The following RBFOX1 variants were observed in gnomAD, a reference collection of about 807,000 sequenced individuals.
RBFOX1 encodes the protein RNA binding protein fox-1 homolog 1.
A neutral mutation model predicts 57.7 loss-of-function variants in RBFOX1; 8 were observed. The observed-to-expected ratio is 0.14, with a 90% CI of 0.08 to 0.25. RBFOX1 has a LOEUF of 0.25. RBFOX1 is among the 10% of genes least tolerant of loss of function. The probability of loss-of-function intolerance (pLI) is 1.00; values close to 1 mark genes in which losing one functional copy is unlikely to be tolerated. For synonymous variants in RBFOX1, 326 were observed against 222.4 expected (o/e 1.47, Z -4.15); for missense variants, 611 against 548.5 (o/e 1.11, Z -1.14).
intron 2 of RBFOX1, among the ~76,000 whole-genome samples, chr16:6,638,870 G>C (rs1434432342): frequency 6.6e-6 from 1 of 152,152 alleles, no homozygotes; most frequent in Admixed American, 6.5e-5. Flanking sequence ...CTGAAATAAA[G>C]AGTTGGTTCT....
intron 4 of RBFOX1, among the ~76,000 whole-genome samples, chr16:5,960,689 GT>G (rs2152287575): frequency 6.6e-6 from 1 of 152,262 alleles, no homozygotes; most frequent in Admixed American, 6.5e-5. Flanking sequence ...CCCTGAAAGA[GT>G]TTTCAACTTC....
At chr16:5,959,911 G>T (rs757819466) in intron 4 of RBFOX1, among the ~76,000 whole-genome samples, 69 of 152,132 alleles carry the variant, frequency 4.5e-4, no homozygotes, top group Non-Finnish European at 8.7e-4. Context: ...TGAATAAGAG[G>T]AACCCTAGGC....
chr16:6,243,175 C>G (rs1194300142), intron 1 of RBFOX1, among the ~76,000 whole-genome samples: 1 of 140,846 alleles, frequency 7.1e-6, no homozygotes, highest in East Asian at 2.3e-4. Context: ...TGTTTATGTA[C>G]AGTTTCCTCT....
intron 3 of RBFOX1, among the ~76,000 whole-genome samples, chr16:6,803,560 C>T (rs182974316): frequency 6.6e-5 from 10 of 152,214 alleles, no homozygotes; most frequent in Non-Finnish European, 1.5e-4. Flanking sequence ...CAAAAATCAG[C>T]CTTCTTAAAT....
rs578058545 is a variant in RBFOX1 at position 5,515,545 on chromosome 16, G to A, written c.258+48291G>A. Among the ~76,000 whole-genome samples the A allele has an allele frequency of 4.6e-5, 7 of 152,330 alleles. No homozygotes were observed. The South Asian group carries it at 1.2e-3, about 27-fold the overall frequency. ...CAGCTTCTACCTTTGCAAAACAGAG[G>A]CTGTTTTAATTGAGATATTGGAAGA... is the stretch of plus-strand genomic sequence containing the variant. On this transcript the variant is annotated intron_variant, in intron 2 of 2. Coordinates refer to the RBFOX1 transcript ENST00000585867.
intron 2 of RBFOX1, among the ~76,000 whole-genome samples, chr16:6,581,751 A>G (rs1044252292): frequency 6.6e-6 from 1 of 152,212 alleles, no homozygotes. Context: ...ACCTGGAACT[A>G]GAGGCAGGTT....
chr16:6,237,500 T>C (rs1027125228), intron 1 of RBFOX1, among the ~76,000 whole-genome samples: 1 of 152,156 alleles, frequency 6.6e-6, no homozygotes, highest in African/African-American at 2.4e-5. Context: ...ACCTGCCTTA[T>C]TGGGAGGCCA....
chr16:5,864,783 T>C (rs1182383810), intron 3 of RBFOX1, among the ~76,000 whole-genome samples: 2 of 152,150 alleles, frequency 1.3e-5, no homozygotes, highest in African/African-American at 4.8e-5. Flanking sequence ...AGAACCGTGT[T>C]TTGCCTGGGA....
At chr16:5,807,843 C>T (rs1462034396) in intron 3 of RBFOX1, among the ~76,000 whole-genome samples, 1 of 152,208 alleles carries the variant, frequency 6.6e-6, no homozygotes, top group Non-Finnish European at 1.5e-5. Flanking sequence ...GATGCCCACG[C>T]TGCTGGTCTG....
intron 1 of RBFOX1, among the ~76,000 whole-genome samples, chr16:5,255,322 T>TCCATCCATCCATCCATCCA (rs1555468896): frequency 1.7e-5 from 2 of 119,372 alleles, no homozygotes; most frequent in East Asian, 2.3e-4. Context: ...CCACACTTCC[T>TCCATCCATCCATCCATCCA]TCCATCCATC....
At chr16:6,513,013 G>C (rs1184101365) in intron 2 of RBFOX1, among the ~76,000 whole-genome samples, 1 of 152,164 alleles carries the variant, frequency 6.6e-6, no homozygotes, top group Non-Finnish European at 1.5e-5. Context: ...TCTCATCGAT[G>C]TCTCCTTCCC....
chr16:7,609,650 C>G (rs1053229171), intron 10 of RBFOX1, among the ~76,000 whole-genome samples: 1 of 152,082 alleles, frequency 6.6e-6, no homozygotes, highest in Non-Finnish European at 1.5e-5. Context: ...GTATTTAATG[C>G]TCATGGCGAT....
At chr16:5,838,248 C>T (rs1037923632) in intron 3 of RBFOX1, 16 of 222,690 alleles carry the variant, frequency 7.2e-5, no homozygotes, top group African/African-American at 3.3e-4. Context: ...GATCTTGCCA[C>T]GTGTGTTCCA....
chr16:6,064,940 G>A (rs1489478096), intron 1 of RBFOX1, among the ~76,000 whole-genome samples: 1 of 151,796 alleles, frequency 6.6e-6, no homozygotes. Flanking sequence ...CAGGTCTTGA[G>A]TAAGACCCAG....
intron 2 of RBFOX1, among the ~76,000 whole-genome samples, chr16:5,498,623 GA>G (rs2043083281): frequency 6.6e-6 from 1 of 152,248 alleles, no homozygotes; most frequent in Admixed American, 6.5e-5. Flanking sequence ...TTAGGCAGGA[GA>G]AGATGATAGC....
chr16:7,242,027 T>A (rs982368704), intron 4 of RBFOX1, among the ~76,000 whole-genome samples: 2 of 152,128 alleles, frequency 1.3e-5, no homozygotes, highest in Non-Finnish European at 2.9e-5. Context: ...TTGTGCAGTG[T>A]CCCTGACCAC....
At chr16:6,657,826 T>C (rs1010039402) in intron 3 of RBFOX1, among the ~76,000 whole-genome samples, 8 of 151,988 alleles carry the variant, frequency 5.3e-5, no homozygotes, top group Non-Finnish European at 7.4e-5. Flanking sequence ...TAAAGCTCTT[T>C]TTATTTTATT....
chr16:6,378,653 T>G (rs959251525), intron 2 of RBFOX1, among the ~76,000 whole-genome samples: 1 of 152,160 alleles, frequency 6.6e-6, no homozygotes, highest in Non-Finnish European at 1.5e-5. Flanking sequence ...TCCCCATTGG[T>G]CATCCCAGAG....
At chr16:6,825,199 C>A (rs1037063827) in intron 3 of RBFOX1, among the ~76,000 whole-genome samples, 1 of 149,762 alleles carries the variant, frequency 6.7e-6, no homozygotes, top group African/African-American at 2.5e-5. Flanking sequence ...GGGGGGCTGA[C>A]GTGTTTTGGG....
Sources: gnomAD v4.1 joint callset for allele counts (sites outside exome capture counted in the v4.1 genomes callset) on GRCh38, gnomAD v4.1.1 for gene constraint, MANE v1.5 for transcripts, NCBI Gene and HGNC (gene_info 2026-07-23, HGNC 2026-07-21) for gene names.